The following PLD5 variants were observed in gnomAD, a reference collection of about 807,000 sequenced individuals.
PLD5 encodes inactive phospholipase D5.
Under a neutral mutation model 61.1 loss-of-function variants are expected in PLD5, and 36 were observed. That is an observed-to-expected ratio of 0.59 (90% CI 0.45 to 0.78). The LOEUF (loss-of-function observed/expected upper bound fraction) is 0.78. Ranked by LOEUF, PLD5 falls within the 30% of genes least tolerant of loss-of-function variation. The pLI is 0.00. For missense variants in PLD5, 515 were observed against 644.4 expected (o/e 0.80, Z 2.17); for synonymous variants, 243 against 242.8 (o/e 1.00, Z -0.01).
rs534796186 is a variant in PLD5, at chr1:242,438,860, G to A, written c.189+85228C>T. Among the ~76,000 whole-genome samples, 22 of 152,240 alleles carry A rather than the reference G, an allele frequency of 1.4e-4. 1 individual carries two copies. Among genetic ancestry groups the A allele is most frequent in the African/African-American group, 5.3e-4 (22 of 41,550 alleles). On this transcript the variant is annotated intron_variant, in intron 1 of 9. Transcript: ENST00000536534. ...TGATAATTAGTTTCCTACTTTCAGAGTTTAACCAACAATCCCTGTTTAGGA... is the reference window on the plus strand; with the variant it reads ...TGATAATTAGTTTCCTACTTTCAGAATTTAACCAACAATCCCTGTTTAGGA...
chr1:242,097,828 A>G (rs549467129), intron 9 of PLD5, among the ~76,000 whole-genome samples: 6 of 152,316 alleles, frequency 3.9e-5, no homozygotes, highest in African/African-American at 1.4e-4. Context: ...GCCCATGCCT[A>G]TGTCCTGAAT....
rs1398113873 is a variant in PLD5, at chr1:242,162,058, ACGTTTT to A, written c.736-37399_736-37394del. The stretch of plus-strand genomic sequence containing the variant: ...AGGCAACAAAATAAATATTTGGCAT[ACGTTTT>A]TTTAAAGTATAAAATGAATTGAGTC... On this transcript the variant is annotated intron_variant, in intron 5 of 9. Coordinates refer to ENST00000536534, the MANE Select transcript of PLD5 (RefSeq NM_001372062.1). Among the ~76,000 whole-genome samples the A allele has an allele frequency of 3.0e-4, 46 of 152,306 alleles. No individual in the cohort carries two copies. The East Asian group carries it at 8.7e-3, about 29-fold the overall frequency.
Position 242,220,094 on chromosome 1 carries a change from T to A in PLD5, c.629A>T (p.Asn210Ile). The change falls in exon 5 of 10, where the codon AAC (asparagine) becomes ATC (isoleucine). Residue 210 changes from asparagine to isoleucine, a missense_variant. Around this residue, in one of 2 missense-constraint regions of PLD5, gnomAD observed 450 missense variants for 598.1 expected, o/e 0.75. Transcript: ENST00000536534. ...KLKGAEVTYMNMTAYNKGRLQ... is the reference protein window; with the variant it reads ...KLKGAEVTYMIMTAYNKGRLQ... ...CCGGCCCTTGTTGTAAGCGGTCATGTTCATGTACGTCACCTCGGCTCCTAG... is the reference window on the plus strand; with the variant it reads ...CCGGCCCTTGTTGTAAGCGGTCATGATCATGTACGTCACCTCGGCTCCTAG... The A allele has an allele frequency of 6.2e-7, 1 of 1,614,168 alleles. No individual in the cohort carries two copies.
At chr1:242,508,013 C>T (rs1048076143) in intron 1 of PLD5, among the ~76,000 whole-genome samples, 1 of 150,222 alleles carries the variant, frequency 6.7e-6, no homozygotes, top group African/African-American at 2.5e-5. Flanking sequence ...TTTTCCAATG[C>T]CGACCAGCAA....
chr1:242,093,827 A>G (rs1056864864), intron 9 of PLD5, among the ~76,000 whole-genome samples: 1 of 151,910 alleles, frequency 6.6e-6, no homozygotes, highest in Non-Finnish European at 1.5e-5. Flanking sequence ...GGGTGGGGGG[A>G]AAATGATGGA....
At chr1:242,099,860 ATCACT>A (rs1174101702) in intron 9 of PLD5, among the ~76,000 whole-genome samples, 1 of 152,192 alleles carries the variant, frequency 6.6e-6, no homozygotes, top group African/African-American at 2.4e-5. Flanking sequence ...GTACAATGTA[ATCACT>A]ACACTGCTGT....
intron 1 of PLD5, among the ~76,000 whole-genome samples, chr1:242,472,003 G>A (rs1277268115): frequency 1.3e-5 from 2 of 152,150 alleles, no homozygotes; most frequent in Non-Finnish European, 2.9e-5. Flanking sequence ...GGGACTCTGG[G>A]AGACCACCCT....
intron 5 of PLD5, among the ~76,000 whole-genome samples, chr1:242,166,320 C>T (rs1351718849): frequency 6.6e-6 from 1 of 152,214 alleles, no homozygotes; most frequent in African/African-American, 2.4e-5. Flanking sequence ...AAGAAGCGTT[C>T]CATAAAAGGC....
intron 5 of PLD5, among the ~76,000 whole-genome samples, chr1:242,160,949 T>G (rs1397925194): frequency 6.6e-6 from 1 of 151,780 alleles, no homozygotes; most frequent in Non-Finnish European, 1.5e-5. Flanking sequence ...TATAAGATAC[T>G]AGATACAATA....
At chr1:242,408,830 A>C (rs1472071068) in intron 1 of PLD5, among the ~76,000 whole-genome samples, 1 of 152,184 alleles carries the variant, frequency 6.6e-6, no homozygotes, top group Non-Finnish European at 1.5e-5. Context: ...GCACTTTAGG[A>C]GGCCGAGATG....
intron 1 of PLD5, among the ~76,000 whole-genome samples, chr1:242,409,626 G>A (rs1664432548): frequency 6.6e-6 from 1 of 152,166 alleles, no homozygotes; most frequent in South Asian, 2.1e-4. Context: ...GGAAGGACAG[G>A]GGGCTCCAAA....
rs1254796743 is a variant in PLD5 at position 242,394,498 on chromosome 1, ATG to A, written c.190-46258_190-46257del. ...TATGTGTATATATGTGAACATATAT[ATG>A]TGTATATATGTGAACATATATATGT... On this transcript the variant is annotated intron_variant, in intron 1 of 9. Coordinates refer to ENST00000536534, the MANE Select transcript of PLD5 (RefSeq NM_001372062.1). Among the ~76,000 whole-genome samples the A allele has an allele frequency of 3.8e-5, 3 of 78,158 alleles. 1 individual carries two copies. The highest frequency in any genetic ancestry group is 1.7e-4 in the African/African-American group (3 of 17,808). 51.3% of individuals were successfully genotyped at this position (78,158 alleles called of 152,430 possible).
intron 1 of PLD5, among the ~76,000 whole-genome samples, chr1:242,475,402 G>C (rs1282099878): frequency 2.5e-5 from 3 of 120,642 alleles, no homozygotes; most frequent in Admixed American, 1.0e-4. Context: ...CAGCCTGGGC[G>C]ACAGAGCGAG....
At chr1:242,434,771 A>G (rs1047734453) in intron 1 of PLD5, among the ~76,000 whole-genome samples, 1 of 151,728 alleles carries the variant, frequency 6.6e-6, no homozygotes, top group Non-Finnish European at 1.5e-5. Context: ...CCGCCACCAC[A>G]CCCAGCTAAT....
At chr1:242,360,667 G>A (rs935916144) in intron 1 of PLD5, among the ~76,000 whole-genome samples, 3 of 152,066 alleles carry the variant, frequency 2.0e-5, no homozygotes, top group Admixed American at 1.3e-4. Context: ...TCAATGGTAT[G>A]TTAGTGTCCT....
chr1:242,150,637 C>T (rs12035265), intron 5 of PLD5, among the ~76,000 whole-genome samples: 17,698 of 151,646 alleles, frequency 0.12, 1,486 homozygotes, highest in East Asian at 0.37. Context: ...AACTTTCTTT[C>T]GACAAGTGGT....
chr1:242,243,320 C>T (rs436520), intron 4 of PLD5, among the ~76,000 whole-genome samples: 108,054 of 152,146 alleles, frequency 0.71, 39,760 homozygotes, highest in Non-Finnish European at 0.81. Flanking sequence ...TCTTGGAACT[C>T]AGAGGTGAAT....
At chr1:242,418,954 A>T (rs2149296316) in intron 1 of PLD5, among the ~76,000 whole-genome samples, 1 of 152,338 alleles carries the variant, frequency 6.6e-6, no homozygotes, top group Admixed American at 6.5e-5. Flanking sequence ...TCTAAGAACC[A>T]ATATTTTAGT....
chr1:242,331,925 T>A (rs559929631), intron 2 of PLD5, among the ~76,000 whole-genome samples: 6 of 152,144 alleles, frequency 3.9e-5, no homozygotes, highest in Non-Finnish European at 8.8e-5. Context: ...CTGGGATACA[T>A]GTGCAGAACG....
Sources: allele counts gnomAD v4.1 joint callset (sites outside exome capture counted in the v4.1 genomes callset), GRCh38; gene constraint gnomAD v4.1.1; regional missense constraint gnomAD v4.1.1; transcripts MANE v1.5; gene names NCBI Gene and HGNC (gene_info 2026-07-23, HGNC 2026-07-21).